Variants in XKR9 observed in about 807,000 individuals in gnomAD.
The protein encoded by XKR9 is XK-related protein 9.
XKR9 carries 32 observed loss-of-function variants against 32.0 expected under a neutral mutation model. The ratio of observed to expected loss-of-function variants is 1.00; its 90% CI spans 0.76 to 1.34. The LOEUF is 1.34. Among genes scored for constraint, XKR9 ranks in the 40% most tolerant of loss-of-function variants. The pLI is 0.00. For missense variants in XKR9, 546 were observed against 429.7 expected (o/e 1.27, Z -2.39); for synonymous variants, 168 against 143.4 (o/e 1.17, Z -1.22).
chr8:70,685,775 C>A (rs1218297376), intron 3 of XKR9, among the ~76,000 whole-genome samples: 5 of 146,250 alleles, frequency 3.4e-5, no homozygotes, highest in Non-Finnish European at 7.5e-5. Context: ...AGGAGATATA[C>A]CTAATGCTAA....
At chr8:71,036,573 T>C in the XKR9 span, among the ~76,000 whole-genome samples, 1 of 152,170 alleles carries the variant, frequency 6.6e-6, no homozygotes, top group Non-Finnish European at 1.5e-5. Flanking sequence ...TGGACAGTCC[T>C]TGGACATCTA....
chr8:70,863,534 CT>C, the XKR9 span, among the ~76,000 whole-genome samples: 1 of 152,138 alleles, frequency 6.6e-6, no homozygotes, highest in Admixed American at 6.6e-5. Flanking sequence ...ACATGACTTT[CT>C]TTGTGCATCA....
downstream of XKR9, among the ~76,000 whole-genome samples, chr8:70,740,026 C>T (rs12543717): frequency 0.68 from 102,785 of 152,004 alleles, 35,272 homozygotes; most frequent in Admixed American, 0.74. Context: ...CCTTGGTAGA[C>T]TGGGGAAGTT....
intron 2 of XKR9, among the ~76,000 whole-genome samples, chr8:70,745,299 A>C (rs756269463): frequency 6.6e-6 from 1 of 152,200 alleles, no homozygotes; most frequent in Non-Finnish European, 1.5e-5. Context: ...AAGACTTTTA[A>C]ATTTCCGCAA....
intron 2 of XKR9, among the ~76,000 whole-genome samples, chr8:70,756,678 A>C (rs1008235504): frequency 2.6e-5 from 4 of 152,216 alleles, no homozygotes; most frequent in African/African-American, 9.6e-5. Context: ...GCAAATGTAT[A>C]GACATACTAT....
chr8:70,783,721 A>G (rs994114285), intron 2 of XKR9, among the ~76,000 whole-genome samples: 2 of 152,140 alleles, frequency 1.3e-5, no homozygotes, highest in Non-Finnish European at 2.9e-5. Context: ...ATGTAATCCA[A>G]TTTCACAATT....
the XKR9 span, among the ~76,000 whole-genome samples, chr8:70,945,592 G>T: frequency 1.2e-4 from 18 of 150,142 alleles, no homozygotes; most frequent in South Asian, 3.4e-3. Flanking sequence ...TTTTTTTTTT[G>T]ATCAAAGGCG....
intron 2 of XKR9, among the ~76,000 whole-genome samples, chr8:70,769,246 A>G (rs1167655031): frequency 6.7e-6 from 1 of 149,108 alleles, no homozygotes; most frequent in African/African-American, 2.5e-5. Context: ...TTTTTTTTTA[A>G]GAATGTTGAA....
chr8:70,757,112 TG>T (rs2130197967), intron 2 of XKR9, among the ~76,000 whole-genome samples: 1 of 152,366 alleles, frequency 6.6e-6, no homozygotes, highest in East Asian at 1.9e-4. Flanking sequence ...ATGTGATTTT[TG>T]TTTTTTAGCT....
At chr8:70,753,844 GA>G (rs1807178911) in intron 2 of XKR9, among the ~76,000 whole-genome samples, 1 of 148,710 alleles carries the variant, frequency 6.7e-6, no homozygotes, top group African/African-American at 2.4e-5. Context: ...CATTCCCTTT[GA>G]AAACTGGCAC....
At chr8:70,766,665 G>T (rs1807380596) in intron 2 of XKR9, among the ~76,000 whole-genome samples, 1 of 152,168 alleles carries the variant, frequency 6.6e-6, no homozygotes, top group South Asian at 2.1e-4. Flanking sequence ...GGGCATCCTT[G>T]TCTTGTGCCA....
chr8:70,712,051 C>G (rs1226564815), intron 4 of XKR9, among the ~76,000 whole-genome samples: 1 of 152,154 alleles, frequency 6.6e-6, no homozygotes, highest in South Asian at 2.1e-4. Flanking sequence ...TCTTTTATTT[C>G]TGCTCCTTCT....
intron 3 of XKR9, 25 bp from the exon 4 acceptor site, chr8:70,706,908 A>G: frequency 6.4e-7 from 1 of 1,551,752 alleles, no homozygotes; most frequent in Non-Finnish European, 8.8e-7. Context: ...AAAACTAAAG[A>G]GAAATGTTTA....
chr8:70,705,903 T>C (rs1390521568), intron 3 of XKR9, among the ~76,000 whole-genome samples: 3 of 152,086 alleles, frequency 2.0e-5, no homozygotes, highest in Admixed American at 6.5e-5. Flanking sequence ...GTGGAAGTGG[T>C]AAGAAGTGTT....
chr8:70,728,728 A>G (rs997052844), intron 4 of XKR9, among the ~76,000 whole-genome samples: 2 of 152,236 alleles, frequency 1.3e-5, no homozygotes, highest in Admixed American at 1.3e-4. Context: ...AAATCATGAT[A>G]GAACTAATTT....
At chr8:70,949,500 C>A in the XKR9 span, among the ~76,000 whole-genome samples, 65 of 151,678 alleles carry the variant, frequency 4.3e-4, no homozygotes, top group African/African-American at 1.2e-3. Flanking sequence ...AATATTAAAT[C>A]TTTCAGATTT....
chr8:70,968,174 T>C, the XKR9 span, among the ~76,000 whole-genome samples: 1 of 152,306 alleles, frequency 6.6e-6, no homozygotes, highest in South Asian at 2.1e-4. Context: ...GCCTGTCTTA[T>C]TTCAGAAAGA....
At chr8:70,812,587 G>A in the XKR9 span, among the ~76,000 whole-genome samples, 62 of 152,214 alleles carry the variant, frequency 4.1e-4, no homozygotes, top group African/African-American at 1.4e-3. Flanking sequence ...AAGCAACTTT[G>A]GCAAAGTCTC....
At chr8:70,854,432 A>T in the XKR9 span, among the ~76,000 whole-genome samples, 9,564 of 152,302 alleles carry the variant, frequency 0.063, 422 homozygotes, top group Non-Finnish European at 0.089. Flanking sequence ...GCCCTTTGTC[A>T]GATGAGTAGA....
Sources: gnomAD v4.1 joint callset for allele counts (sites outside exome capture counted in the v4.1 genomes callset) on GRCh38, gnomAD v4.1.1 for gene constraint, MANE v1.5 for transcripts, NCBI Gene and HGNC (gene_info 2026-07-23, HGNC 2026-07-21) for gene names.